The following SLC66A1 variants were observed in gnomAD, a reference collection of about 807,000 sequenced individuals.
The protein encoded by SLC66A1 is lysosomal amino acid transporter 1 homolog.
Under a neutral mutation model 33.0 loss-of-function variants are expected in SLC66A1, and 23 were observed. That is an observed-to-expected ratio of 0.70 (90% CI 0.50 to 0.99). The LOEUF is 0.99. SLC66A1 is among the 50% of genes least tolerant of loss of function. The probability of loss-of-function intolerance (pLI) is 0.00; values close to 1 mark genes in which losing one functional copy is unlikely to be tolerated. For synonymous variants in SLC66A1, 164 were observed against 175.5 expected, an observed-to-expected ratio of 0.93 and a Z score of 0.52; for missense variants, 335 against 383.6, an observed-to-expected ratio of 0.87 and a Z score of 1.06.
At chr1:19,321,852 C>A (rs1328282736) in intron 2 of SLC66A1, among the ~76,000 whole-genome samples, 1 of 152,112 alleles carries the variant, frequency 6.6e-6, no homozygotes, top group African/African-American at 2.4e-5. Context: ...CAGGCATGAG[C>A]CACCACACAT....
chr1:19,333,401 C>CA (rs2093897429), downstream of SLC66A1, among the ~76,000 whole-genome samples: 1 of 152,086 alleles, frequency 6.6e-6, no homozygotes, highest in Non-Finnish European at 1.5e-5. The surrounding 1 kb of genome is among the most constrained non-coding windows in gnomAD (Gnocchi z 4.2). Context: ...AGGCTGTTCT[C>CA]AAACTCCTAA....
rs1340731995 is a variant in SLC66A1, at chr1:19,319,484, T to C, written c.164+1643T>C. Among the ~76,000 whole-genome samples, 4 of 152,240 alleles carry C rather than the reference T, an allele frequency of 2.6e-5. No individual in the cohort carries two copies. In the East Asian group the frequency reaches 5.8e-4, roughly 22 times the overall value. ...TATCAGATCAGTACTTCAGTCCTTT[T>C]TGTGGCCGAATACTGTTTTACTCTG... is the stretch of plus-strand genomic sequence containing the variant. On this transcript the variant is annotated intron_variant, in intron 2 of 7. Transcript: ENST00000375153.
At position 19,328,639 on chromosome 1, in the gene SLC66A1, G is replaced by A. The variant is rs2093882371; in HGVS notation, c.872G>A (p.Ser291Asn). 6.2e-7 allele frequency: 1 copy of A among 1,613,570 alleles called. No individual in the cohort carries two copies. Among genetic ancestry groups the A allele is most frequent in the South Asian group, 1.1e-5 (1 of 91,032 alleles). The change falls in exon 8 of 8, where the codon AGC (serine) becomes AAC (asparagine). Residue 291 changes from serine (S) to asparagine (N), a missense_variant. Coordinates refer to ENST00000375153, the MANE Select transcript of SLC66A1 (RefSeq NM_001040125.2). The surrounding 1 kb of genome is among the most constrained non-coding windows in gnomAD (Gnocchi z 4.7). ...TCGGAGCTTGAGCCCCTCCTCCCCA[G>A]CTGACCAGAACCAGGCTGAGCGCAG... is the stretch of plus-strand genomic sequence containing the variant. ...AASELEPLLP[S>N]
Position 19,327,210 on chromosome 1 carries a change from ACCT to A in SLC66A1, c.619-10_619-8del, listed in dbSNP as rs1455406622. ...AGGCCTGTTCGAGGTCTCTGACCTG[ACCT>A]CCTCCTGCCCCAGTTCCTCCGGAAG... On this transcript the variant is annotated splice_polypyrimidine_tract_variant and intron_variant, in intron 6 of 7. Transcript: ENST00000375153. 6.2e-7 allele frequency: 1 copy of A among 1,606,412 alleles called. No homozygotes were observed. The highest frequency in any genetic ancestry group is 1.7e-5 in the Admixed American group (1 of 59,830).
chr1:19,328,818 A>C lies in SLC66A1; in HGVS notation c.*175A>C. The C allele has an allele frequency of 3.0e-5, 21 of 696,546 alleles. No homozygotes were observed. Among genetic ancestry groups the C allele is most frequent in the Non-Finnish European group, 4.5e-5 (19 of 420,226 alleles). The allele number at this position is 696,546 out of a possible 1,614,324, so 43.1% of individuals were successfully genotyped here. On this transcript the variant is annotated 3_prime_UTR_variant, in exon 8 of 8. Transcript: ENST00000375153. This position sits in a 1 kb window ranked among gnomAD's most constrained non-coding sequence, Gnocchi z 4.7. ...ACCTTCAGGTAGACCCCGAAGCCTC[A>C]AGGCCGGGGCTGGAGCGGAGACCCC...
At position 19,317,670 on chromosome 1, in the gene SLC66A1, C is replaced by G. The variant is rs777804151; in HGVS notation, c.-8C>G. The G allele has an allele frequency of 1.2e-6, 2 of 1,613,706 alleles. No individual in the cohort carries two copies. The highest frequency in any genetic ancestry group is 1.1e-5 in the South Asian group (1 of 91,058). ...CCCTGCCTGGCCGGGGGCCCCTCCT[C>G]CACAGCCATGGTCTGGAAGAAACTG... On this transcript the variant is annotated 5_prime_UTR_variant, in exon 2 of 8. Transcript: ENST00000375153.
chr1:19,329,484 C>T (rs531259847), downstream of SLC66A1, among the ~76,000 whole-genome samples: 1 of 152,314 alleles, frequency 6.6e-6, no homozygotes, highest in South Asian at 2.1e-4. Flanking sequence ...CCTTTCCTGA[C>T]AGGCCCCACA....
chr1:19,325,166 G>A (rs565626209), intron 3 of SLC66A1, among the ~76,000 whole-genome samples: 1 of 152,328 alleles, frequency 6.6e-6, no homozygotes, highest in East Asian at 1.9e-4. Context: ...TCCCATGTGG[G>A]ACCAGAAAGT....
Position 19,329,037 on chromosome 1 carries a change from A to C in SLC66A1, c.*394A>C. 4.5e-6 allele frequency: 1 copy of C among 220,024 alleles called. No homozygotes were observed. The highest frequency in any genetic ancestry group is 9.1e-6 in the Non-Finnish European group (1 of 110,196). 13.6% of individuals were successfully genotyped at this position (220,024 alleles called of 1,614,324 possible). A position where few individuals can be genotyped will look rare whatever the true frequency, so the allele number is the denominator to read the frequency against. ...TTTGGGAGGCCGAAGCGGGTGGACC[A>C]CTTGACGTCCGTAGTTCGAGACCAG... On this transcript the variant is annotated 3_prime_UTR_variant, in exon 8 of 8. Transcript: ENST00000375153.
At chr1:19,321,045 G>A (rs965892203) in intron 2 of SLC66A1, among the ~76,000 whole-genome samples, 5 of 149,702 alleles carry the variant, frequency 3.3e-5, no homozygotes, top group Admixed American at 6.6e-5. Flanking sequence ...GTCCTTTGAA[G>A]CATAAAAATT....
At chr1:19,333,629 C>T (rs1287121767), downstream of SLC66A1, among the ~76,000 whole-genome samples, 2 of 152,122 alleles carry the variant, frequency 1.3e-5, no homozygotes, top group Non-Finnish European at 2.9e-5. The surrounding 1 kb of genome is among the most constrained non-coding windows in gnomAD (Gnocchi z 4.2). Context: ...AGGTGCAGAG[C>T]CTCAACTACC....
At chr1:19,326,653 C>G (rs41264081) in intron 6 of SLC66A1, 30 bp downstream of exon 6, 3 of 1,608,014 alleles carry the variant, frequency 1.9e-6, no homozygotes, top group Admixed American at 1.7e-5. Flanking sequence ...TGGGTGGGGC[C>G]GAGTAGAGGA....
At chr1:19,327,843 C>G in intron 7 of SLC66A1, 1 of 342,634 alleles carries the variant, frequency 2.9e-6, no homozygotes, top group Non-Finnish European at 5.8e-6. Flanking sequence ...AGAAGTCAGG[C>G]GAAGGCAGGA....
At chr1:19,321,875 T>G (rs1265439945) in intron 2 of SLC66A1, among the ~76,000 whole-genome samples, 1 of 152,138 alleles carries the variant, frequency 6.6e-6, no homozygotes, top group African/African-American at 2.4e-5. Flanking sequence ...GGATATCCAC[T>G]TGTCCCAGCG....
chr1:19,325,931 A>G (rs2093863519), intron 4 of SLC66A1, among the ~76,000 whole-genome samples: 1 of 152,104 alleles, frequency 6.6e-6, no homozygotes, highest in Non-Finnish European at 1.5e-5. Flanking sequence ...CTTCAGGAGG[A>G]GCAGGAGACA....
At chr1:19,331,331 C>A (rs1287651674), downstream of SLC66A1, among the ~76,000 whole-genome samples, 2 of 152,042 alleles carry the variant, frequency 1.3e-5, no homozygotes, top group African/African-American at 4.8e-5. Flanking sequence ...ATTTTTATGG[C>A]CATTTTACAG....
intron 2 of SLC66A1, among the ~76,000 whole-genome samples, chr1:19,320,528 C>T (rs2093829604): frequency 6.6e-6 from 1 of 151,460 alleles, no homozygotes; most frequent in Non-Finnish European, 1.5e-5. Context: ...ATTCTCCTGC[C>T]TCAGCCTCCC....
At chr1:19,324,898 C>T (rs1156492751) in intron 3 of SLC66A1, 136 bp downstream of exon 3, 3 of 1,227,876 alleles carry the variant, frequency 2.4e-6, no homozygotes, top group Non-Finnish European at 3.4e-6. Context: ...GTGGGAGGGC[C>T]CCATCCTTCT....
chr1:19,330,299 G>A (rs559006120), downstream of SLC66A1, among the ~76,000 whole-genome samples: 116 of 152,280 alleles, frequency 7.6e-4, 1 homozygote, highest in African/African-American at 2.6e-3. Flanking sequence ...GTAGTCTTGG[G>A]GAGAGACGCT....
Sources: allele counts gnomAD v4.1 joint callset (sites outside exome capture counted in the v4.1 genomes callset), GRCh38; gene constraint gnomAD v4.1.1; non-coding constraint Gnocchi (gnomAD v3.1); transcripts MANE v1.5; gene names NCBI Gene and HGNC (gene_info 2026-07-23, HGNC 2026-07-21).